Variants in CCDC88C observed in about 807,000 individuals in gnomAD.
CCDC88C encodes protein Daple.
Under a neutral mutation model 198.8 loss-of-function variants are expected in CCDC88C, and 131 were observed. The ratio of observed to expected loss-of-function variants is 0.66; its 90% CI spans 0.57 to 0.76. The LOEUF is 0.76. Ranked by LOEUF, CCDC88C falls within the 30% of genes least tolerant of loss-of-function variation. CCDC88C has a pLI of 0.00. For missense variants in CCDC88C, 2,553 were observed against 2,631.6 expected (o/e 0.97, Z 0.65); for synonymous variants, 1,166 against 1,114.7 (o/e 1.05, Z -0.92).
intron 3 of CCDC88C, among the ~76,000 whole-genome samples, chr14:91,372,830 G>A (rs969142943): frequency 2.6e-5 from 4 of 152,176 alleles, no homozygotes; most frequent in African/African-American, 9.7e-5. Context: ...CAGGTGGCCG[G>A]GCAGGCAGGC....
intron 3 of CCDC88C, among the ~76,000 whole-genome samples, chr14:91,365,002 C>T (rs954775644): frequency 7.2e-5 from 11 of 152,178 alleles, no homozygotes; most frequent in African/African-American, 2.2e-4. Context: ...ATCGTAGCGG[C>T]GCCTGGTTAG....
intron 24 of CCDC88C, 32 bp from the exon 25 acceptor site, chr14:91,289,375 A>G: frequency 6.3e-7 from 1 of 1,594,004 alleles, no homozygotes; most frequent in Non-Finnish European, 8.6e-7. Context: ...GGACATAGCC[A>G]GCCCTCCCAC....
intron 2 of CCDC88C, among the ~76,000 whole-genome samples, chr14:91,410,802 G>A (rs567918189): frequency 1.7e-3 from 259 of 152,258 alleles, no homozygotes; most frequent in Admixed American, 4.6e-3. Context: ...TTTCTGTTTT[G>A]TTTCTTCTTT....
At chr14:91,357,685 A>C (rs999826221) in intron 4 of CCDC88C, among the ~76,000 whole-genome samples, 7 of 152,236 alleles carry the variant, frequency 4.6e-5, no homozygotes, top group Non-Finnish European at 8.8e-5. Context: ...AACCAGCCCC[A>C]AATAAACTAG....
At chr14:91,367,916 G>A (rs1406731461) in intron 3 of CCDC88C, among the ~76,000 whole-genome samples, 1 of 151,850 alleles carries the variant, frequency 6.6e-6, no homozygotes, top group Non-Finnish European at 1.5e-5. Flanking sequence ...CAGCTAAAAC[G>A]CCCCCTCCTC....
rs758053233 is a variant in CCDC88C at position 91,303,839 on chromosome 14, G to C, written c.3497C>G (p.Ala1166Gly). 7 of 1,613,200 alleles carry C rather than the reference G, an allele frequency of 4.3e-6. No individual in the cohort carries two copies. In the East Asian group the frequency reaches 1.1e-4, roughly 26 times the overall value. The change falls in exon 20 of 30, where the codon GCC becomes GGC. Residue 1166 changes from alanine to glycine, a missense_variant. Transcript: ENST00000389857. ...CAGGTGCTCGTGGTCCTGCAGCAGG[G>C]CCTCGTAGGCCGCTGTAAGTTGCTC... ...QQEQLTAAYE[A>G]LLQDHEHLGT...
intron 6 of CCDC88C, among the ~76,000 whole-genome samples, chr14:91,341,090 T>C (rs1893291543): frequency 6.6e-6 from 1 of 152,182 alleles, no homozygotes; most frequent in Non-Finnish European, 1.5e-5. Flanking sequence ...TTCTCAAAAT[T>C]TGAAGAGACA....
At chr14:91,287,636 CTT>C (rs71120129) in intron 25 of CCDC88C, among the ~76,000 whole-genome samples, 1,084 of 75,422 alleles carry the variant, frequency 0.014, 4 homozygotes, top group South Asian at 0.021. Context: ...TGCACCAGGT[CTT>C]TTTTTTTTTT....
At position 91,279,294 on chromosome 14, in the gene CCDC88C, C is replaced by T; in HGVS notation, c.4712G>A (p.Ser1571Asn). The T allele has an allele frequency of 6.2e-7, 1 of 1,601,278 alleles. No individual in the cohort carries two copies. Among genetic ancestry groups the T allele is most frequent in the Non-Finnish European group, 8.5e-7 (1 of 1,172,896 alleles). The change falls in exon 28 of 30, where the codon AGT becomes AAT. Residue 1571 changes from serine to asparagine, a missense_variant. Ser to Asn is a conservative substitution (Grantham distance 46). Around this residue, in one of 2 missense-constraint regions of CCDC88C, gnomAD observed 1,293 missense variants for 1,219.6 expected, o/e 1.06. Transcript: ENST00000389857. ...TGTGTTTCTACTGCTCTCTAAGCTA[C>T]TTGGCCGCGACACTGAAAGGAAATG... Reference protein sequence around the residue: ...PNHRQYVSRPSSLESSRNTSS... With the variant: ...PNHRQYVSRPNSLESSRNTSS...
intron 10 of CCDC88C, among the ~76,000 whole-genome samples, chr14:91,328,903 C>T (rs1214657051): frequency 6.6e-6 from 1 of 152,184 alleles, no homozygotes; most frequent in Non-Finnish European, 1.5e-5. Context: ...CCCTGAGGAG[C>T]ACACAGCACC....
At chr14:91,395,661 C>A (rs574474269) in intron 3 of CCDC88C, among the ~76,000 whole-genome samples, 32 of 152,226 alleles carry the variant, frequency 2.1e-4, no homozygotes, top group African/African-American at 5.8e-4. Context: ...GCCGAGAAGG[C>A]AAACCTGCCT....
At chr14:91,396,071 A>G (rs1037416574) in intron 3 of CCDC88C, among the ~76,000 whole-genome samples, 2 of 152,198 alleles carry the variant, frequency 1.3e-5, no homozygotes, top group Admixed American at 1.3e-4. Context: ...ATATCGCGAC[A>G]ATTACATCTC....
rs1225512473 is a variant in CCDC88C at position 91,283,334 on chromosome 14, G to A, written c.4625C>T (p.Thr1542Ile). 2 of 1,613,124 alleles carry A rather than the reference G, an allele frequency of 1.2e-6. No homozygotes were observed. Among genetic ancestry groups the A allele is most frequent in the Non-Finnish European group, 1.7e-6 (2 of 1,179,752 alleles). ...TGGAAGGGCCTGTGACTCACCTTTGGTGCGGCCTGGGTGCCGGGCGATGGG... is the reference window on the plus strand; with the variant it reads ...TGGAAGGGCCTGTGACTCACCTTTGATGCGGCCTGGGTGCCGGGCGATGGG... ...STPIARHPGR[T>I]KGYNSDDNLC... is the part of the protein sequence containing the mutation. The change falls in exon 26 of 30, where the codon ACC (threonine) becomes ATC (isoleucine). Residue 1542 changes from threonine (T) to isoleucine (I), a missense_variant. Physicochemically the swap from Thr to Ile is moderately conservative, Grantham distance 89. This residue lies in a region of CCDC88C where 1,293 missense variants were observed against 1,219.6 expected (regional missense o/e 1.06). Coordinates refer to ENST00000389857, the MANE Select transcript of CCDC88C (RefSeq NM_001080414.4).
chr14:91,311,095 G>A (rs910830172), intron 15 of CCDC88C, among the ~76,000 whole-genome samples: 2 of 152,186 alleles, frequency 1.3e-5, no homozygotes, highest in Non-Finnish European at 2.9e-5. Flanking sequence ...TGTAGAGACC[G>A]TGGAGCCACG....
intron 3 of CCDC88C, among the ~76,000 whole-genome samples, chr14:91,363,858 C>G (rs992552007): frequency 2.0e-5 from 3 of 152,242 alleles, no homozygotes; most frequent in Non-Finnish European, 2.9e-5. Flanking sequence ...CTCAGTCTGG[C>G]AGGGACGTGA....
chr14:91,297,579 G>C (rs1272071002), intron 21 of CCDC88C, 88 bp from the exon 22 acceptor site: 22 of 1,350,846 alleles, frequency 1.6e-5, no homozygotes, highest in Non-Finnish European at 2.0e-5. Context: ...TCCCAGCTCT[G>C]ACAGTGGCAG....
Position 91,313,740 on chromosome 14 carries a change from A to G in CCDC88C, c.2076T>C (p.Leu692=). Residue 692 remains leucine (L), a synonymous_variant, in exon 15 of 30, where the codon CTT becomes CTC. Transcript: ENST00000389857. This position sits in a 1 kb window ranked among gnomAD's most constrained non-coding sequence, Gnocchi z 5.2. Reference sequence around the variant, plus strand: ...GCTTGTTGTCACGCTCCAGGCCCTCAAGCTGCAGGGACACGTTCTGCAAGG... The same window carrying G: ...GCTTGTTGTCACGCTCCAGGCCCTCGAGCTGCAGGGACACGTTCTGCAAGG... ...LDTLQNVSLQ[L]EGLERDNKQL... is the part of the protein sequence containing the mutation. The G allele has an allele frequency of 6.2e-7, 1 of 1,608,528 alleles. No individual in the cohort carries two copies. Among genetic ancestry groups the G allele is most frequent in the Non-Finnish European group, 8.5e-7 (1 of 1,179,718 alleles).
At chr14:91,291,408 C>T (rs911156327) in intron 23 of CCDC88C, among the ~76,000 whole-genome samples, 1 of 152,286 alleles carries the variant, frequency 6.6e-6, no homozygotes, top group Non-Finnish European at 1.5e-5. Context: ...TTGTTCAAGA[C>T]GTGAGATGCT....
chr14:91,385,696 G>C (rs1273297916), intron 3 of CCDC88C, among the ~76,000 whole-genome samples: 1 of 152,116 alleles, frequency 6.6e-6, no homozygotes, highest in African/African-American at 2.4e-5. Flanking sequence ...AGGTGTGGTG[G>C]CTCACACCTG....
Sources: gnomAD v4.1 joint callset for allele counts (sites outside exome capture counted in the v4.1 genomes callset) on GRCh38, gnomAD v4.1.1 for gene constraint, gnomAD v4.1.1 regional missense constraint, Gnocchi (gnomAD v3.1) non-coding constraint, MANE v1.5 for transcripts, NCBI Gene and HGNC (gene_info 2026-07-23, HGNC 2026-07-21) for gene names.